Variants in SENP6 observed in about 807,000 individuals in gnomAD.
The protein encoded by SENP6 is sentrin-specific protease 6.
SENP6 carries 41 observed loss-of-function variants against 134.5 expected under a neutral mutation model. The ratio of observed to expected loss-of-function variants is 0.30; its 90% CI spans 0.24 to 0.40. The LOEUF is 0.40. Among genes scored for constraint, SENP6 ranks in the 10% least tolerant of loss-of-function variants. SENP6 has a pLI of 1.00. For synonymous variants in SENP6, 395 were observed against 429.8 expected (o/e 0.92, Z 1.00); for missense variants, 1,248 against 1,312.5 (o/e 0.95, Z 0.76).
chr6:75,691,602 T>G (rs1160762020), intron 16 of SENP6, among the ~76,000 whole-genome samples: 1 of 138,322 alleles, frequency 7.2e-6, no homozygotes, highest in African/African-American at 2.4e-5. Context: ...TTGTTTTTGT[T>G]TTTTGTTTTT....
chr6:75,649,454 C>T lies in SENP6; in HGVS notation c.550+1653C>T, dbSNP rs566065581. Among the ~76,000 whole-genome samples, 5 of 152,272 alleles carry T rather than the reference C, an allele frequency of 3.3e-5. No individual in the cohort carries two copies. In the South Asian group the frequency reaches 8.3e-4, roughly 25 times the overall value. On this transcript the variant is annotated intron_variant, in intron 7 of 23. Transcript: ENST00000447266. ...CATTCATTAAGTAAATAAGCATATT[C>T]AAGTTAAGAGAAAAAAGAGCATGCT... is the stretch of plus-strand genomic sequence containing the variant.
At chr6:75,642,397 T>C (rs923434303) in intron 6 of SENP6, among the ~76,000 whole-genome samples, 1 of 152,232 alleles carries the variant, frequency 6.6e-6, no homozygotes, top group Non-Finnish European at 1.5e-5. Context: ...CTCTTTACTA[T>C]GAAGCTAACA....
In SENP6 at chr6:75,602,424, C is replaced by A; in HGVS notation, c.-101C>A. On this transcript the variant is annotated 5_prime_UTR_variant, in exon 1 of 24. Coordinates refer to ENST00000447266, the MANE Select transcript of SENP6 (RefSeq NM_015571.4). The stretch of plus-strand genomic sequence containing the variant: ...TGACGGCTGAGCCCGAGGCCCGCAA[C>A]CCTGCGGCGTCTACCCTCCTCCGGC... The A allele has an allele frequency of 1.4e-6, 2 of 1,380,970 alleles. No homozygotes were observed. The highest frequency in any genetic ancestry group is 2.5e-5 in the East Asian group (1 of 40,036). 85.5% of individuals were successfully genotyped at this position (1,380,970 alleles called of 1,614,324 possible).
At chr6:75,617,251 A>ATTTCTTTC (rs1554158087) in intron 1 of SENP6, among the ~76,000 whole-genome samples, 6 of 127,760 alleles carry the variant, frequency 4.7e-5, no homozygotes, top group Admixed American at 1.6e-4. Context: ...GGTTTGGAGA[A>ATTTCTTTC]TTTCTTTCTT....
chr6:75,643,925 C>T (rs1172249812), intron 6 of SENP6, among the ~76,000 whole-genome samples: 1 of 151,986 alleles, frequency 6.6e-6, no homozygotes, highest in East Asian at 1.9e-4. Flanking sequence ...GCAAGGCAAA[C>T]AACAATAACA....
At chr6:75,698,991 G>C (rs1475192211) in intron 18 of SENP6, among the ~76,000 whole-genome samples, 5 of 148,090 alleles carry the variant, frequency 3.4e-5, no homozygotes, top group African/African-American at 1.0e-4. Context: ...AGCCTGGGCA[G>C]CAGAGTGAGA....
intron 11 of SENP6, among the ~76,000 whole-genome samples, chr6:75,673,418 G>C (rs58307917): frequency 4.0e-5 from 6 of 148,824 alleles, no homozygotes; most frequent in African/African-American, 1.5e-4. Context: ...CCACCTCACG[G>C]GTTCCGGCAA....
Position 75,663,441 on chromosome 6 carries a change from T to C in SENP6, c.917T>C (p.Ile306Thr). The C allele has an allele frequency of 3.7e-6, 6 of 1,613,294 alleles. No individual in the cohort carries two copies. The highest frequency in any genetic ancestry group is 5.1e-6 in the Non-Finnish European group (6 of 1,179,728). The change falls in exon 9 of 24, where the codon ATT becomes ACT. Residue 306 changes from isoleucine (I) to threonine (T), a missense_variant. Around this residue, in one of 3 missense-constraint regions of SENP6, gnomAD observed 733 missense variants for 725.4 expected, o/e 1.01. Transcript: ENST00000447266. The part of the protein sequence containing the change: ...HTYLQTNGKV[I>T]LPGAKIPKIT... The stretch of plus-strand genomic sequence containing the variant: ...TATTTACAGACTAATGGAAAAGTCA[T>C]TTTACCTGGGGCAAAAATACCCAAA...
Position 75,633,639 on chromosome 6 carries a change from A to C in SENP6, c.266A>C (p.Tyr89Ser), listed in dbSNP as rs765918500. Residue 89 changes from tyrosine to serine, a missense_variant, in exon 4 of 24, where the codon TAT becomes TCT. Coordinates refer to ENST00000447266, the MANE Select transcript of SENP6 (RefSeq NM_015571.4). Reference sequence around the variant, plus strand: ...TCTGGTGAATTCATCTTGAAGACATATGTAAGACGAAACAAGTCTGAAAGT... The same window carrying C: ...TCTGGTGAATTCATCTTGAAGACATCTGTAAGACGAAACAAGTCTGAAAGT... ...NSSGEFILKT[Y>S]VRRNKSESFK... is the part of the protein sequence containing the mutation. The C allele has an allele frequency of 6.2e-7, 1 of 1,611,956 alleles. No homozygotes were observed. The highest frequency in any genetic ancestry group is 8.5e-7 in the Non-Finnish European group (1 of 1,179,006).
chr6:75,609,454 G>T (rs1484467095), intron 1 of SENP6, among the ~76,000 whole-genome samples: 1 of 152,208 alleles, frequency 6.6e-6, no homozygotes, highest in Non-Finnish European at 1.5e-5. Flanking sequence ...TACAGAGCCA[G>T]CCCTGATTGA....
chr6:75,602,288 G>A lies in SENP6; in HGVS notation c.-237G>A, dbSNP rs1766679719. On this transcript the variant is annotated 5_prime_UTR_variant, in exon 1 of 24. Transcript: ENST00000447266. ...TCGCCGGTCGCGTTCCCCCGGAGAG[G>A]CCTGAGAAGCTCGGGCCGCGGGCCT... is the stretch of plus-strand genomic sequence containing the variant. 1 of 454,278 alleles carries A rather than the reference G, an allele frequency of 2.2e-6. No individual in the cohort carries two copies. The highest frequency in any genetic ancestry group is 3.9e-6 in the Non-Finnish European group (1 of 258,652). The allele number at this position is 454,278 out of a possible 1,614,324, so 28.1% of individuals were successfully genotyped here.
Position 75,602,495 on chromosome 6 carries a change from T to C in SENP6, c.-30T>C, listed in dbSNP as rs1309951408. 8 of 1,550,462 alleles carry C rather than the reference T, an allele frequency of 5.2e-6. No individual in the cohort carries two copies. The Admixed American group carries it at 1.2e-4, about 23-fold the overall frequency. ...GCACGGCGGCGGTGTGGGCCATGGA[T>C]TAAGAAGGAGGCGGCGTGGGAGGAG... On this transcript the variant is annotated 5_prime_UTR_variant, in exon 1 of 24. Coordinates refer to ENST00000447266, the MANE Select transcript of SENP6 (RefSeq NM_015571.4).
intron 10 of SENP6, among the ~76,000 whole-genome samples, chr6:75,669,219 G>C (rs955914379): frequency 1.3e-5 from 2 of 152,132 alleles, no homozygotes; most frequent in Non-Finnish European, 1.5e-5. Context: ...AGGCGTGGTG[G>C]TGTGTGCCTA....
At chr6:75,628,877 G>A (rs1036132666) in intron 3 of SENP6, among the ~76,000 whole-genome samples, 29 of 152,154 alleles carry the variant, frequency 1.9e-4, no homozygotes, top group African/African-American at 6.7e-4. Context: ...CTGCCACCAC[G>A]TCTGACTAAT....
chr6:75,707,359 T>C (rs1228569729), intron 19 of SENP6, among the ~76,000 whole-genome samples: 14 of 85,310 alleles, frequency 1.6e-4, no homozygotes, highest in Admixed American at 3.1e-4. Context: ...CTTCTTCTTT[T>C]TTTTTTTTTT....
At chr6:75,677,745 A>G (rs1031891802) in intron 14 of SENP6, 2 of 153,428 alleles carry the variant, frequency 1.3e-5, no homozygotes, top group Admixed American at 6.5e-5. Context: ...AACTATTCAT[A>G]TAGGTAGGTA....
chr6:75,715,660 A>G lies in SENP6; in HGVS notation c.*66A>G, dbSNP rs1355407428. 6.5e-6 allele frequency: 8 copies of G among 1,231,942 alleles called. No individual in the cohort carries two copies. The highest frequency in any genetic ancestry group is 3.0e-5 in the African/African-American group (2 of 66,532). 76.3% of individuals were successfully genotyped at this position (1,231,942 alleles called of 1,614,324 possible). A position where few individuals can be genotyped will look rare whatever the true frequency, so the allele number is the denominator to read the frequency against. On this transcript the variant is annotated 3_prime_UTR_variant, in exon 24 of 24. Transcript: ENST00000447266. ...TGACTTTCAAATTTGGGTATAGACA[A>G]TAAAGAACTGAAGTGCTCACTACTC...
chr6:75,654,418 G>A (rs989651550), intron 7 of SENP6, among the ~76,000 whole-genome samples: 7 of 152,354 alleles, frequency 4.6e-5, no homozygotes, highest in African/African-American at 1.7e-4. Context: ...AGGATAGCCA[G>A]AGTTGAAGCC....
At chr6:75,652,834 C>A (rs1284975082) in intron 7 of SENP6, among the ~76,000 whole-genome samples, 3 of 151,946 alleles carry the variant, frequency 2.0e-5, no homozygotes, top group African/African-American at 7.3e-5. Flanking sequence ...CCAGTCTGAT[C>A]AAAATGTTTT....
Sources: gnomAD v4.1 joint callset for allele counts (sites outside exome capture counted in the v4.1 genomes callset) on GRCh38, gnomAD v4.1.1 for gene constraint, gnomAD v4.1.1 regional missense constraint, MANE v1.5 for transcripts, NCBI Gene and HGNC (gene_info 2026-07-23, HGNC 2026-07-21) for gene names.